Variants in CFAP263 observed in about 807,000 individuals in gnomAD.
CFAP263 encodes the protein cilia and flagella associated protein 263, also known as cilia- and flagella-associated protein 263.
At chr16:58,259,002 T>C in the CFAP263 span, among the ~76,000 whole-genome samples, 1 of 150,930 alleles carries the variant, frequency 6.6e-6, no homozygotes. Context: ...AATAAATAAA[T>C]AAATAAATAA....
At chr16:58,262,595 C>T in the CFAP263 span, 1 of 1,501,056 alleles carries the variant, frequency 6.7e-7, no homozygotes, top group Admixed American at 1.9e-5. Flanking sequence ...ACTCACCTTT[C>T]TGGCCACAGG....
At chr16:58,273,436 T>A in the CFAP263 span, among the ~76,000 whole-genome samples, 1 of 152,222 alleles carries the variant, frequency 6.6e-6, no homozygotes, top group African/African-American at 2.4e-5. Flanking sequence ...TTACTGATGC[T>A]TTATTCTACT....
chr16:58,269,688 G>A, the CFAP263 span, among the ~76,000 whole-genome samples: 1 of 152,124 alleles, frequency 6.6e-6, no homozygotes, highest in African/African-American at 2.4e-5. Context: ...ATAACATTTC[G>A]TTGTGTAGAT....
the CFAP263 span, among the ~76,000 whole-genome samples, chr16:58,260,346 C>G: frequency 6.6e-6 from 1 of 152,162 alleles, no homozygotes. Flanking sequence ...CTGCTGAGAT[C>G]CTGATTTGAG....
At chr16:58,260,043 T>A in the CFAP263 span, 1 of 655,002 alleles carries the variant, frequency 1.5e-6, no homozygotes, top group Non-Finnish European at 2.6e-6. Flanking sequence ...AACCCTGGAA[T>A]CTGTGAATAC....
the CFAP263 span, among the ~76,000 whole-genome samples, chr16:58,274,288 G>T: frequency 1.3e-5 from 2 of 152,110 alleles, no homozygotes; most frequent in African/African-American, 4.8e-5. Flanking sequence ...TAACATTATG[G>T]AACTACCAGC....
chr16:58,280,073 G>C, the CFAP263 span: 3 of 745,268 alleles, frequency 4.0e-6, no homozygotes, highest in Non-Finnish European at 6.6e-6. Flanking sequence ...GAGAGGGATA[G>C]AGGAGGGAGA....
At chr16:58,252,676 T>A in the CFAP263 span, 1 of 1,560,094 alleles carries the variant, frequency 6.4e-7, no homozygotes, top group Non-Finnish European at 8.8e-7. Context: ...ACTAGTTATT[T>A]GAGGTTTAAA....
chr16:58,278,550 G>C, the CFAP263 span: 4 of 1,614,082 alleles, frequency 2.5e-6, no homozygotes, highest in Non-Finnish European at 1.7e-6. Flanking sequence ...GGGCACCACA[G>C]GTGATGACTT....
At chr16:58,262,795 A>ATAGATAGATAGATAGATAGATAGG in the CFAP263 span, among the ~76,000 whole-genome samples, 1 of 152,072 alleles carries the variant, frequency 6.6e-6, no homozygotes, top group Non-Finnish European at 1.5e-5. Context: ...AGATAGATAG[A>ATAGATAGATAGATAGATAGATAGG]TAGATAGATA....
At chr16:58,278,191 A>G in the CFAP263 span, among the ~76,000 whole-genome samples, 1 of 152,196 alleles carries the variant, frequency 6.6e-6, no homozygotes, top group Admixed American at 6.5e-5. Flanking sequence ...TAAGAAGTCA[A>G]AATAAGTACA....
chr16:58,254,147 G>A, the CFAP263 span: 5 of 1,614,174 alleles, frequency 3.1e-6, no homozygotes, highest in Admixed American at 6.7e-5. Context: ...AACGCGACCT[G>A]CAGCATCACG....
the CFAP263 span, among the ~76,000 whole-genome samples, chr16:58,270,800 C>A: frequency 3.3e-5 from 5 of 151,928 alleles, no homozygotes; most frequent in African/African-American, 1.2e-4. Flanking sequence ...ATAGTGTGAG[C>A]GAGGATTTCA....
chr16:58,278,725 A>G, the CFAP263 span: 1 of 1,166,464 alleles, frequency 8.6e-7, no homozygotes, highest in Non-Finnish European at 1.2e-6. Flanking sequence ...AAGAATACAG[A>G]TGTTTGGATA....
chr16:58,280,630 C>T, the CFAP263 span: 1 of 1,614,146 alleles, frequency 6.2e-7, no homozygotes, highest in Non-Finnish European at 8.5e-7. Context: ...GATCCATTTG[C>T]TGTAGTCTTC....
At chr16:58,269,832 G>A in the CFAP263 span, among the ~76,000 whole-genome samples, 32 of 152,086 alleles carry the variant, frequency 2.1e-4, no homozygotes, top group African/African-American at 7.2e-4. Context: ...TTCCCTTGAC[G>A]TGTTTTCTTT....
the CFAP263 span, among the ~76,000 whole-genome samples, chr16:58,275,028 G>A: frequency 6.6e-6 from 1 of 152,170 alleles, no homozygotes; most frequent in African/African-American, 2.4e-5. Context: ...CTGGACGGGA[G>A]TATGCATTGA....
chr16:58,258,418 G>A, the CFAP263 span: 4 of 1,613,974 alleles, frequency 2.5e-6, no homozygotes, highest in Non-Finnish European at 2.5e-6. Flanking sequence ...CGAGAGAAGT[G>A]CATGAGTTTG....
chr16:58,274,713 G>A, the CFAP263 span, among the ~76,000 whole-genome samples: 1 of 152,208 alleles, frequency 6.6e-6, no homozygotes, highest in Non-Finnish European at 1.5e-5. Context: ...AGAACTGTGA[G>A]TCAATCAAAT....
Sources: allele counts gnomAD v4.1 joint callset (sites outside exome capture counted in the v4.1 genomes callset), GRCh38; gene constraint gnomAD v4.1.1; transcripts MANE v1.5; gene names NCBI Gene and HGNC (gene_info 2026-07-23, HGNC 2026-07-21).